CEP128: variants seen among roughly 807,000 people sequenced by gnomAD.
CEP128 encodes centrosomal protein 128kDa.
CEP128 carries 132 observed loss-of-function variants against 156.7 expected under a neutral mutation model. The observed-to-expected ratio is 0.84, with a 90% CI of 0.73 to 0.97. The LOEUF is 0.97. CEP128 is among the 50% of genes least tolerant of loss of function. CEP128 has a pLI of 0.00. For synonymous variants in CEP128, 469 were observed against 448.9 expected (o/e 1.04, Z -0.57); for missense variants, 1,252 against 1,281.9 (o/e 0.98, Z 0.36).
chr14:80,585,718 T>C (rs1891791660), intron 19 of CEP128, among the ~76,000 whole-genome samples: 1 of 152,212 alleles, frequency 6.6e-6, no homozygotes, highest in African/African-American at 2.4e-5. Context: ...CTTACTATAA[T>C]TCAGTGCTCC....
At chr14:80,536,530 T>C (rs1889492739) in intron 21 of CEP128, among the ~76,000 whole-genome samples, 1 of 152,216 alleles carries the variant, frequency 6.6e-6, no homozygotes, top group Non-Finnish European at 1.5e-5. Flanking sequence ...ACAGATCCAC[T>C]GCAAAACTTT....
intron 19 of CEP128, among the ~76,000 whole-genome samples, chr14:80,740,093 G>T (rs1595323719): frequency 6.6e-6 from 1 of 151,988 alleles, no homozygotes. Context: ...TCTTTTGGAA[G>T]AGTGATTTTT....
chr14:80,758,752 T>C (rs1048568428), intron 17 of CEP128, among the ~76,000 whole-genome samples: 8 of 152,110 alleles, frequency 5.3e-5, no homozygotes, highest in African/African-American at 1.7e-4. Context: ...AAAATAATGA[T>C]AGGTAACATT....
intron 8 of CEP128, among the ~76,000 whole-genome samples, chr14:80,873,050 CTT>C (rs1413134326): frequency 6.6e-6 from 1 of 152,162 alleles, no homozygotes; most frequent in African/African-American, 2.4e-5. Context: ...AACATCACAA[CTT>C]GATGTAAGGA....
chr14:80,806,956 G>A lies in CEP128; in HGVS notation c.1210-13846C>T, dbSNP rs188917480. Reference sequence around the variant, plus strand: ...TTATCTCACATAATACAGTAACTTTGTGCACTTGGAAGAAAGCAATTTTTC... The same window carrying A: ...TTATCTCACATAATACAGTAACTTTATGCACTTGGAAGAAAGCAATTTTTC... On this transcript the variant is annotated intron_variant, in intron 13 of 24. Transcript: ENST00000555265. Among the ~76,000 whole-genome samples, 667 of 152,226 alleles carry A rather than the reference G, an allele frequency of 4.4e-3. 6 individuals carry two copies. The highest frequency in any genetic ancestry group is 0.015 in the African/African-American group (634 of 41,528).
chr14:80,748,279 C>A (rs1322159415), intron 18 of CEP128, among the ~76,000 whole-genome samples: 1 of 152,122 alleles, frequency 6.6e-6, no homozygotes. Context: ...CATGTGAATA[C>A]AGAACAATAA....
Position 80,780,773 on chromosome 14 carries a change from A to G in CEP128, c.2212-2727T>C, listed in dbSNP as rs199960831. Among the ~76,000 whole-genome samples, 11 of 152,356 alleles carry G rather than the reference A, an allele frequency of 7.2e-5. No homozygotes were observed. In the East Asian group the frequency reaches 1.5e-3, roughly 21 times the overall value. ...AATGCTCTGATTTCTAGCTTTTTCA[A>G]CATTTCAACTTATAGCCACTGAGCA... On this transcript the variant is annotated intron_variant, in intron 15 of 24. Transcript: ENST00000555265.
intron 19 of CEP128, among the ~76,000 whole-genome samples, chr14:80,663,551 A>G (rs1436420240): frequency 1.3e-5 from 2 of 152,186 alleles, no homozygotes; most frequent in African/African-American, 4.8e-5. Flanking sequence ...TAATAACCAC[A>G]ATGATATCAA....
intron 2 of CEP128, among the ~76,000 whole-genome samples, chr14:80,933,434 T>C (rs1885597087): frequency 6.6e-6 from 1 of 152,192 alleles, no homozygotes; most frequent in Admixed American, 6.5e-5. Context: ...CTCTGTCCTT[T>C]TACAGATAAT....
chr14:80,835,422 T>C (rs985173969), intron 12 of CEP128, among the ~76,000 whole-genome samples: 5 of 152,152 alleles, frequency 3.3e-5, no homozygotes, highest in African/African-American at 9.7e-5. Context: ...TGGAGGTGTA[T>C]TTGGAAAGCC....
intron 21 of CEP128, among the ~76,000 whole-genome samples, chr14:80,558,379 C>T (rs1402707103): frequency 1.3e-5 from 2 of 151,988 alleles, no homozygotes; most frequent in Non-Finnish European, 2.9e-5. Context: ...ACCTCTGCCT[C>T]CCAGGTTCAA....
intron 13 of CEP128, among the ~76,000 whole-genome samples, chr14:80,806,468 G>A (rs940769616): frequency 2.0e-5 from 3 of 152,080 alleles, no homozygotes; most frequent in African/African-American, 7.2e-5. Flanking sequence ...AATGCACGAG[G>A]GAAATTCTGA....
At chr14:80,602,101 A>G (rs1356783821) in intron 19 of CEP128, among the ~76,000 whole-genome samples, 1 of 152,198 alleles carries the variant, frequency 6.6e-6, no homozygotes, top group Non-Finnish European at 1.5e-5. Flanking sequence ...TCTGAGACAA[A>G]GGACATAAAA....
intron 19 of CEP128, among the ~76,000 whole-genome samples, chr14:80,683,004 C>A (rs117374843): frequency 1.3e-5 from 2 of 152,012 alleles, no homozygotes; most frequent in African/African-American, 4.8e-5. Context: ...CAAACACACA[C>A]GTACACACAC....
At chr14:80,597,961 AAAAAAAAAAC>A (rs1195485381) in intron 19 of CEP128, among the ~76,000 whole-genome samples, 2 of 149,928 alleles carry the variant, frequency 1.3e-5, no homozygotes, top group Non-Finnish European at 3.0e-5. Flanking sequence ...AAAAAAAAAA[AAAAAAAAAAC>A]AAAACCCTAT....
intron 8 of CEP128, among the ~76,000 whole-genome samples, chr14:80,867,622 A>C (rs1370421994): frequency 6.6e-6 from 1 of 152,124 alleles, no homozygotes; most frequent in Non-Finnish European, 1.5e-5. Flanking sequence ...AAACTAGATC[A>C]TGAGCTCAAA....
intron 19 of CEP128, among the ~76,000 whole-genome samples, chr14:80,724,234 T>A (rs756944957): frequency 1.3e-5 from 2 of 152,230 alleles, no homozygotes; most frequent in Non-Finnish European, 2.9e-5. Context: ...AAAGTCTACT[T>A]TAAAATTTGG....
chr14:80,592,626 G>A (rs1490591490), intron 19 of CEP128, among the ~76,000 whole-genome samples: 1 of 152,122 alleles, frequency 6.6e-6, no homozygotes, highest in African/African-American at 2.4e-5. Context: ...AGAAAAAGAG[G>A]GAATCCTCCG....
chr14:80,489,056 G>A (rs1887238301), downstream of CEP128, among the ~76,000 whole-genome samples: 1 of 151,578 alleles, frequency 6.6e-6, no homozygotes, highest in African/African-American at 2.4e-5. Context: ...AATGGGTGCA[G>A]CACACCAACC....
Sources: allele counts gnomAD v4.1 joint callset (sites outside exome capture counted in the v4.1 genomes callset), GRCh38; gene constraint gnomAD v4.1.1; transcripts MANE v1.5; gene names NCBI Gene and HGNC (gene_info 2026-07-23, HGNC 2026-07-21).